Variants in TENM2 observed in about 807,000 individuals in gnomAD.
TENM2 encodes the protein teneurin transmembrane protein 2, also known as teneurin-2.
TENM2 carries 52 observed loss-of-function variants against 245.2 expected under a neutral mutation model. The ratio of observed to expected loss-of-function variants is 0.21; its 90% CI spans 0.17 to 0.27. The LOEUF (loss-of-function observed/expected upper bound fraction) is 0.27, where lower values mean the gene tolerates loss of function less well. Ranked by LOEUF, TENM2 falls within the 10% of genes least tolerant of loss-of-function variation. The probability of loss-of-function intolerance (pLI) is 1.00; values close to 1 mark genes in which losing one functional copy is unlikely to be tolerated. For synonymous variants in TENM2, 1,363 were observed against 1,438.9 expected (o/e 0.95, Z 1.19); for missense variants, 3,046 against 3,666.8 (o/e 0.83, Z 4.37).
At chr5:167,382,713 T>C (rs1219147142) in intron 2 of TENM2, among the ~76,000 whole-genome samples, 1 of 152,162 alleles carries the variant, frequency 6.6e-6, no homozygotes, top group Non-Finnish European at 1.5e-5. Context: ...TCTTTCCATC[T>C]GTGTTAATCA....
intron 2 of TENM2, among the ~76,000 whole-genome samples, chr5:167,683,908 TA>T (rs1756905577): frequency 6.6e-6 from 1 of 152,186 alleles, no homozygotes; most frequent in Non-Finnish European, 1.5e-5. Context: ...AGTACTTGCA[TA>T]AAAGGAATGC....
intron 7 of TENM2, among the ~76,000 whole-genome samples, chr5:168,080,247 G>A (rs1250171762): frequency 6.6e-6 from 1 of 152,156 alleles, no homozygotes; most frequent in Non-Finnish European, 1.5e-5. Context: ...TCTGATGGTA[G>A]TTTGTATTTC....
the TENM2 span, among the ~76,000 whole-genome samples, chr5:167,056,294 A>G: frequency 6.6e-6 from 1 of 151,484 alleles, no homozygotes; most frequent in Non-Finnish European, 1.5e-5. Context: ...GAAAGTATAT[A>G]TTTCTCCTTT....
intron 1 of TENM2, among the ~76,000 whole-genome samples, chr5:167,359,078 G>A (rs536999998): frequency 5.0e-4 from 76 of 152,108 alleles, no homozygotes; most frequent in African/African-American, 1.8e-3. Context: ...CCTTGATTCG[G>A]TTCTGCCACA....
intron 2 of TENM2, among the ~76,000 whole-genome samples, chr5:167,824,607 T>C (rs1052262050): frequency 5.9e-5 from 9 of 152,170 alleles, no homozygotes; most frequent in Non-Finnish European, 1.3e-4. Context: ...ACCCAAGGCA[T>C]GAGGAAGGCA....
At chr5:167,813,659 G>A (rs1296657604) in intron 2 of TENM2, among the ~76,000 whole-genome samples, 1 of 152,088 alleles carries the variant, frequency 6.6e-6, no homozygotes, top group Non-Finnish European at 1.5e-5. Flanking sequence ...TCAGCAGCCT[G>A]AGCAATCACA....
intron 2 of TENM2, among the ~76,000 whole-genome samples, chr5:167,735,281 G>A (rs979217849): frequency 6.6e-6 from 1 of 152,100 alleles, no homozygotes; most frequent in Admixed American, 6.6e-5. Context: ...AGATATCCAA[G>A]GCAATTTCTG....
At chr5:167,961,747 A>C in intron 4 of TENM2, among the ~76,000 whole-genome samples, 1 of 152,232 alleles carries the variant, frequency 6.6e-6, no homozygotes. Context: ...GGACAAAGTA[A>C]CCTGCAGGAA....
chr5:167,006,355 G>A, the TENM2 span, among the ~76,000 whole-genome samples: 1 of 152,138 alleles, frequency 6.6e-6, no homozygotes, highest in Non-Finnish European at 1.5e-5. Flanking sequence ...TTTCTTTAGA[G>A]TCATTTCTTC....
intron 1 of TENM2, among the ~76,000 whole-genome samples, chr5:167,346,225 G>A (rs990569199): frequency 4.6e-5 from 7 of 152,012 alleles, no homozygotes; most frequent in South Asian, 2.1e-4. Flanking sequence ...AAAAATGACC[G>A]TCAAACAAGA....
intron 1 of TENM2, chr5:167,306,156 G>A (rs1755662689): frequency 6.6e-6 from 1 of 152,168 alleles, no homozygotes; most frequent in Non-Finnish European, 1.5e-5. Context: ...AACGCTAAAG[G>A]CAGTAGCCTG....
the TENM2 span, among the ~76,000 whole-genome samples, chr5:167,083,435 A>C: frequency 6.6e-6 from 1 of 152,120 alleles, no homozygotes; most frequent in African/African-American, 2.4e-5. Flanking sequence ...TGAATGAATA[A>C]ATTCTGTCCA....
At chr5:167,918,301 G>A (rs1186230440) in intron 3 of TENM2, among the ~76,000 whole-genome samples, 1 of 152,164 alleles carries the variant, frequency 6.6e-6, no homozygotes, top group Non-Finnish European at 1.5e-5. Context: ...TTTTCAGGAT[G>A]TGACTGGTTC....
intron 4 of TENM2, among the ~76,000 whole-genome samples, chr5:167,977,037 C>A (rs1470412366): frequency 2.0e-5 from 3 of 152,072 alleles, no homozygotes; most frequent in Non-Finnish European, 2.9e-5. Flanking sequence ...GAGCTAGAGA[C>A]CATTATCCTT....
chr5:167,369,709 C>T (rs747415474), intron 1 of TENM2, among the ~76,000 whole-genome samples: 2 of 152,134 alleles, frequency 1.3e-5, no homozygotes, highest in Non-Finnish European at 2.9e-5. Context: ...AATGACTTCT[C>T]TTAAATTCAG....
chr5:168,026,552 A>G (rs570436119), intron 5 of TENM2, among the ~76,000 whole-genome samples: 1 of 152,212 alleles, frequency 6.6e-6, no homozygotes, highest in Non-Finnish European at 1.5e-5. Flanking sequence ...ATTAATTTAT[A>G]CAACAAATGT....
intron 12 of TENM2, among the ~76,000 whole-genome samples, chr5:168,133,239 C>T (rs1000590363): frequency 1.1e-4 from 17 of 152,094 alleles, no homozygotes; most frequent in Admixed American, 9.2e-4. Flanking sequence ...ATATAACTAG[C>T]ACATCAAACT....
rs748079251 is a variant in TENM2, at chr5:168,195,336, C to T, written c.2900+41C>T. On this transcript the variant is annotated intron_variant, in intron 15 of 28. Coordinates refer to ENST00000518659, the Ensembl canonical transcript of TENM2. ...GGGCTCGGACCTACTCAGGACCACACGTGTGTGCAAAGGGACAGACGGTGC... is the reference window on the plus strand; with the variant it reads ...GGGCTCGGACCTACTCAGGACCACATGTGTGTGCAAAGGGACAGACGGTGC... 9.0e-6 allele frequency: 14 copies of T among 1,554,098 alleles called. No homozygotes were observed. The East Asian group carries it at 9.6e-5, about 11-fold the overall frequency.
chr5:167,606,939 A>T (rs1392740702), intron 2 of TENM2, among the ~76,000 whole-genome samples: 6 of 152,112 alleles, frequency 3.9e-5, no homozygotes, highest in Non-Finnish European at 8.8e-5. Context: ...GTATTTCAAG[A>T]TTTATATATC....
Sources: gnomAD v4.1 joint callset for allele counts (sites outside exome capture counted in the v4.1 genomes callset) on GRCh38, gnomAD v4.1.1 for gene constraint, MANE v1.5 for transcripts, NCBI Gene and HGNC (gene_info 2026-07-23, HGNC 2026-07-21) for gene names.